CSMD1: variants seen among roughly 807,000 people sequenced by gnomAD.
CSMD1 encodes CUB and Sushi multiple domains 1.
Under a neutral mutation model 417.5 loss-of-function variants are expected in CSMD1, and 213 were observed. The ratio of observed to expected loss-of-function variants is 0.51; its 90% CI spans 0.46 to 0.57. CSMD1 has a LOEUF of 0.57. CSMD1 is among the 20% of genes least tolerant of loss of function. CSMD1 has a pLI of 0.00. For synonymous variants in CSMD1, 2,862 were observed against 1,736.8 expected, an observed-to-expected ratio of 1.65 and a Z score of -16.11; for missense variants, 6,923 against 4,529.7, an observed-to-expected ratio of 1.53 and a Z score of -15.17.
At chr8:4,080,341 G>A (rs1007460056) in intron 3 of CSMD1, among the ~76,000 whole-genome samples, 16 of 150,506 alleles carry the variant, frequency 1.1e-4, no homozygotes, top group African/African-American at 3.9e-4. Context: ...TACTTCACAA[G>A]TGAAAGGTGA....
At chr8:4,618,564 T>A (rs141105198) in intron 2 of CSMD1, among the ~76,000 whole-genome samples, 2 of 152,134 alleles carry the variant, frequency 1.3e-5, no homozygotes, top group Admixed American at 1.3e-4. Context: ...ATCGCCTACA[T>A]AGCCTTCTCC....
chr8:4,249,965 C>A (rs751336418), intron 3 of CSMD1, among the ~76,000 whole-genome samples: 1 of 151,980 alleles, frequency 6.6e-6, no homozygotes, highest in Non-Finnish European at 1.5e-5. Context: ...TGAATTAATG[C>A]CCATATAAAG....
At position 4,139,805 on chromosome 8, in the gene CSMD1, T is replaced by C. The variant is rs993126769; in HGVS notation, c.416-107706A>G. On this transcript the variant is annotated intron_variant, in intron 3 of 69. Transcript: ENST00000635120. The stretch of plus-strand genomic sequence containing the variant: ...CACTGAGCTCAGTGTTCTACAGGCT[T>C]ACTGGACATTCCACAGAGGGCCTTG... Among the ~76,000 whole-genome samples the C allele has an allele frequency of 7.3e-5, 11 of 151,150 alleles. No individual in the cohort carries two copies. In the East Asian group the frequency reaches 1.4e-3, roughly 19 times the overall value.
intron 5 of CSMD1, among the ~76,000 whole-genome samples, chr8:3,927,157 T>C (rs946076663): frequency 5.3e-5 from 8 of 152,094 alleles, no homozygotes; most frequent in Non-Finnish European, 8.8e-5. Flanking sequence ...AGGGTTGTCA[T>C]AAAGTTTTGA....
intron 42 of CSMD1, among the ~76,000 whole-genome samples, chr8:3,114,904 T>C (rs1274939623): frequency 6.6e-6 from 1 of 152,204 alleles, no homozygotes; most frequent in African/African-American, 2.4e-5. Flanking sequence ...TTAACATACC[T>C]ATCACAACAT....
At chr8:4,714,709 A>T (rs1210730821) in intron 1 of CSMD1, among the ~76,000 whole-genome samples, 1 of 152,206 alleles carries the variant, frequency 6.6e-6, no homozygotes, top group Non-Finnish European at 1.5e-5. Context: ...TTTACTCGAG[A>T]ATACAAATTT....
At chr8:4,962,449 G>A (rs10104410) in intron 1 of CSMD1, among the ~76,000 whole-genome samples, 37,111 of 151,964 alleles carry the variant, frequency 0.24, 6,015 homozygotes, top group African/African-American at 0.45. Flanking sequence ...GCCCTCAAAG[G>A]ATCTTCCCAC....
chr8:3,398,352 C>G (rs545862589), intron 16 of CSMD1, among the ~76,000 whole-genome samples: 2 of 152,076 alleles, frequency 1.3e-5, no homozygotes, highest in African/African-American at 2.4e-5. Context: ...GATTTATAAA[C>G]AACTTTTTTC....
intron 5 of CSMD1, among the ~76,000 whole-genome samples, chr8:3,762,430 C>A (rs556472434): frequency 6.6e-6 from 1 of 152,334 alleles, no homozygotes; most frequent in East Asian, 1.9e-4. Flanking sequence ...GCCAGACTTA[C>A]CCTTTGCAGA....
At chr8:3,986,825 G>A (rs560802222) in intron 5 of CSMD1, among the ~76,000 whole-genome samples, 3 of 151,984 alleles carry the variant, frequency 2.0e-5, no homozygotes, top group South Asian at 2.1e-4. Context: ...ATGCGATCTC[G>A]GCTCACTGCA....
chr8:3,519,815 T>C (rs1585294030), intron 10 of CSMD1, among the ~76,000 whole-genome samples: 1 of 109,560 alleles, frequency 9.1e-6, no homozygotes. Context: ...TACATTACTG[T>C]TACCTCTTCT....
chr8:3,845,320 C>G (rs1393394186), intron 5 of CSMD1, among the ~76,000 whole-genome samples: 2 of 152,186 alleles, frequency 1.3e-5, no homozygotes, highest in African/African-American at 4.8e-5. Context: ...GCCTACCACA[C>G]ACTGAGGCTC....
chr8:4,143,881 A>C (rs1472158961), intron 3 of CSMD1, among the ~76,000 whole-genome samples: 3 of 151,038 alleles, frequency 2.0e-5, no homozygotes, highest in Non-Finnish European at 4.4e-5. Context: ...TATCTGGATG[A>C]AGAATTTGGT....
intron 33 of CSMD1, among the ~76,000 whole-genome samples, chr8:3,197,668 GTTAGCCAGGA>G (rs1368117194): frequency 6.6e-5 from 10 of 151,910 alleles, no homozygotes; most frequent in Non-Finnish European, 1.3e-4. Context: ...GTTTCACCAT[GTTAGCCAGGA>G]TGGTCTCGAT....
intron 3 of CSMD1, among the ~76,000 whole-genome samples, chr8:4,032,563 C>T (rs1280245368): frequency 1.3e-5 from 2 of 152,134 alleles, no homozygotes; most frequent in Non-Finnish European, 2.9e-5. Context: ...GTGTCTGTTA[C>T]ACATCATTAC....
chr8:3,152,695 C>G (rs910529630), intron 39 of CSMD1, among the ~76,000 whole-genome samples: 21 of 152,250 alleles, frequency 1.4e-4, no homozygotes, highest in African/African-American at 4.8e-4. Flanking sequence ...TGGTGTGAGT[C>G]ATAATTCTGG....
chr8:3,349,712 G>C (rs144085772), intron 21 of CSMD1, among the ~76,000 whole-genome samples: 1 of 146,882 alleles, frequency 6.8e-6, no homozygotes, highest in Non-Finnish European at 1.5e-5. Context: ...ATATACTCAC[G>C]AGTAGGTGTA....
At chr8:4,470,258 G>A (rs147117555) in intron 2 of CSMD1, among the ~76,000 whole-genome samples, 305 of 152,152 alleles carry the variant, frequency 2.0e-3, no homozygotes, top group African/African-American at 6.8e-3. Context: ...CCCATCAGGG[G>A]CTCCTCCTCT....
At chr8:4,380,855 T>C (rs1803057722) in intron 3 of CSMD1, among the ~76,000 whole-genome samples, 2 of 152,326 alleles carry the variant, frequency 1.3e-5, no homozygotes, top group Non-Finnish European at 1.5e-5. Flanking sequence ...CTCATTATTT[T>C]ATTAGTATAT....
Sources: allele counts gnomAD v4.1 joint callset (sites outside exome capture counted in the v4.1 genomes callset), GRCh38; gene constraint gnomAD v4.1.1; transcripts MANE v1.5; gene names NCBI Gene and HGNC (gene_info 2026-07-23, HGNC 2026-07-21).